The following FBXO25 variants were observed in gnomAD, a reference collection of about 807,000 sequenced individuals.
FBXO25 encodes the protein F-box only protein 25.
Under a neutral mutation model 51.9 loss-of-function variants are expected in FBXO25, and 45 were observed. The observed-to-expected ratio is 0.87, with a 90% CI of 0.68 to 1.11. The LOEUF (loss-of-function observed/expected upper bound fraction) is 1.11, where lower values mean the gene tolerates loss of function less well. Among genes scored for constraint, FBXO25 ranks in the 50% most tolerant of loss-of-function variants. FBXO25 has a pLI of 0.00. For synonymous variants in FBXO25, 199 were observed against 151.0 expected (o/e 1.32, Z -2.33); for missense variants, 507 against 428.5 (o/e 1.18, Z -1.62).
At chr8:431,511 A>G (rs1276043294) in intron 3 of FBXO25, 67 bp downstream of exon 3, 10 of 768,038 alleles carry the variant, frequency 1.3e-5, no homozygotes, top group African/African-American at 3.6e-5. Flanking sequence ...TACTCTGACA[A>G]TGCTATCTTA....
At chr8:415,618 A>G (rs1432203908) in intron 2 of FBXO25, among the ~76,000 whole-genome samples, 1 of 152,188 alleles carries the variant, frequency 6.6e-6, no homozygotes, top group Non-Finnish European at 1.5e-5. Context: ...GCACAGCTGG[A>G]CAGAGGGTCA....
intron 9 of FBXO25, among the ~76,000 whole-genome samples, chr8:465,891 C>T (rs1245069205): frequency 6.6e-6 from 1 of 152,098 alleles, no homozygotes; most frequent in Admixed American, 6.6e-5. Context: ...ATGTAGCCTT[C>T]CAAAAGAATT....
At chr8:425,908 T>TC (rs1001677569) in intron 2 of FBXO25, among the ~76,000 whole-genome samples, 10 of 147,852 alleles carry the variant, frequency 6.8e-5, no homozygotes, top group African/African-American at 1.8e-4. Context: ...TTTTTTTTTT[T>TC]CCACTTTTAT....
rs1377985525 is a variant in FBXO25 at position 477,264 on chromosome 8, C to CTGTT, written c.*8461_*8464dup. On this transcript the variant is annotated 3_prime_UTR_variant, in exon 10 of 10. Transcript: ENST00000350302. ...AAAAACGTGTGTACTGCTGTTGTGT[C>CTGTT]TGTTAGGTCCAGCTGGTATGATGCT... 6.6e-6 allele frequency: 1 copy of CTGTT among 152,216 alleles called. No individual in the cohort carries two copies. The highest frequency in any genetic ancestry group is 1.5e-5 in the Non-Finnish European group (1 of 68,052). 9.4% of individuals were successfully genotyped at this position (152,216 alleles called of 1,614,324 possible).
chr8:440,278 T>C (rs1408787772), intron 5 of FBXO25, among the ~76,000 whole-genome samples: 1 of 152,268 alleles, frequency 6.6e-6, no homozygotes, highest in African/African-American at 2.4e-5. Flanking sequence ...AGTTCCATCA[T>C]AGGAAGCTCT....
intron 3 of FBXO25, among the ~76,000 whole-genome samples, chr8:432,479 A>C (rs1418198848): frequency 1.3e-4 from 20 of 152,264 alleles, no homozygotes; most frequent in African/African-American, 4.6e-4. Flanking sequence ...CATGGAGAAT[A>C]CAGTTAGTGT....
intron 5 of FBXO25, among the ~76,000 whole-genome samples, chr8:441,979 A>G (rs574721576): frequency 1.3e-5 from 2 of 152,342 alleles, no homozygotes; most frequent in African/African-American, 4.8e-5. Flanking sequence ...CAGAGATACT[A>G]TTTGACCCAG....
intron 2 of FBXO25, among the ~76,000 whole-genome samples, chr8:428,885 G>A (rs1290947499): frequency 1.3e-5 from 2 of 152,120 alleles, no homozygotes; most frequent in Non-Finnish European, 2.9e-5. Flanking sequence ...TTTTCAGACT[G>A]AATAATATTC....
chr8:464,030 C>T (rs780270157), intron 9 of FBXO25, among the ~76,000 whole-genome samples: 7 of 152,104 alleles, frequency 4.6e-5, no homozygotes, highest in Admixed American at 1.3e-4. Context: ...GGTGCAGTGG[C>T]GCAATTATGG....
At chr8:444,596 T>C (rs1798622691) in intron 5 of FBXO25, among the ~76,000 whole-genome samples, 1 of 152,222 alleles carries the variant, frequency 6.6e-6, no homozygotes, top group Non-Finnish European at 1.5e-5. Flanking sequence ...AGGATGTACT[T>C]TCTTTCTCTT....
intron 2 of FBXO25, among the ~76,000 whole-genome samples, chr8:420,736 C>T (rs1411235071): frequency 6.6e-6 from 1 of 152,218 alleles, no homozygotes; most frequent in Non-Finnish European, 1.5e-5. Context: ...AAAGCACAAC[C>T]ATAAGGAAGA....
At chr8:459,631 G>A (rs1414515581) in intron 8 of FBXO25, among the ~76,000 whole-genome samples, 1 of 152,216 alleles carries the variant, frequency 6.6e-6, no homozygotes, top group Non-Finnish European at 1.5e-5. Context: ...GAAGACATCA[G>A]AAGATGACCC....
At chr8:421,491 C>G (rs1043468198) in intron 2 of FBXO25, among the ~76,000 whole-genome samples, 3 of 152,180 alleles carry the variant, frequency 2.0e-5, no homozygotes, top group African/African-American at 7.2e-5. Context: ...GGTTAGCAAT[C>G]TCAAAACTGT....
At chr8:450,196 T>G in intron 6 of FBXO25, 113 bp downstream of exon 6, 1 of 600,096 alleles carries the variant, frequency 1.7e-6, no homozygotes, top group Non-Finnish European at 2.8e-6. Flanking sequence ...AAAACAATTG[T>G]GTAAATAATG....
Position 470,777 on chromosome 8 carries a change from T to C in FBXO25, c.*1973T>C, listed in dbSNP as rs922186995. The C allele has an allele frequency of 6.6e-6, 1 of 152,238 alleles. No homozygotes were observed. The highest frequency in any genetic ancestry group is 1.5e-5 in the Non-Finnish European group (1 of 68,042). The allele number at this position is 152,238 out of a possible 1,614,324, so 9.4% of individuals were successfully genotyped here. The stretch of plus-strand genomic sequence containing the variant: ...TATTTCTTTTTCTGTTGGTGCTGTT[T>C]TAATAAGTGAAGAATTTGATGTATG... On this transcript the variant is annotated 3_prime_UTR_variant, in exon 10 of 10. Transcript: ENST00000350302.
chr8:408,570 A>T (rs1796304665), intron 1 of FBXO25, among the ~76,000 whole-genome samples: 2 of 152,244 alleles, frequency 1.3e-5, no homozygotes, highest in African/African-American at 4.8e-5. Flanking sequence ...AAATGAGACA[A>T]CATATGTAGA....
intron 2 of FBXO25, among the ~76,000 whole-genome samples, chr8:421,786 A>T (rs1477199580): frequency 1.3e-5 from 2 of 152,176 alleles, no homozygotes; most frequent in Admixed American, 6.5e-5. Context: ...GCTGGGATAG[A>T]GCAAATGAAA....
In FBXO25 at chr8:472,179, A is replaced by C. The variant is rs933154543; in HGVS notation, c.*3375A>C. The C allele has an allele frequency of 6.6e-5, 10 of 152,176 alleles. No individual in the cohort carries two copies. In the East Asian group the frequency reaches 1.9e-3, roughly 29 times the overall value. The allele number at this position is 152,176 out of a possible 1,614,324, so 9.4% of individuals were successfully genotyped here. ...GGGAAAGCTTTCAGTCTCACCATTA[A>C]CTATGATGTTAACCCTGGGTTTTCC... is the stretch of plus-strand genomic sequence containing the variant. On this transcript the variant is annotated 3_prime_UTR_variant, in exon 10 of 10. Transcript: ENST00000350302.
At chr8:422,254 C>T (rs1434722533) in intron 2 of FBXO25, among the ~76,000 whole-genome samples, 1 of 152,218 alleles carries the variant, frequency 6.6e-6, no homozygotes, top group Non-Finnish European at 1.5e-5. Context: ...ATCATATTGG[C>T]AGCAGGTACC....
Sources: allele counts gnomAD v4.1 joint callset (sites outside exome capture counted in the v4.1 genomes callset), GRCh38; gene constraint gnomAD v4.1.1; transcripts MANE v1.5; gene names NCBI Gene and HGNC (gene_info 2026-07-23, HGNC 2026-07-21).